The following SLC5A8 variants were observed in gnomAD, a reference collection of about 807,000 sequenced individuals.
SLC5A8 encodes the protein sodium-coupled monocarboxylate transporter 1.
Under a neutral mutation model 71.9 loss-of-function variants are expected in SLC5A8, and 55 were observed. The ratio of observed to expected loss-of-function variants is 0.77; its 90% CI spans 0.62 to 0.96. The LOEUF is 0.96. Ranked by LOEUF, SLC5A8 falls within the 40% of genes least tolerant of loss-of-function variation. The probability of loss-of-function intolerance (pLI) is 0.00; values close to 1 mark genes in which losing one functional copy is unlikely to be tolerated. For missense variants in SLC5A8, 701 were observed against 745.3 expected, an observed-to-expected ratio of 0.94 and a Z score of 0.69; for synonymous variants, 307 against 276.1, an observed-to-expected ratio of 1.11 and a Z score of -1.11.
In SLC5A8 at chr12:101,173,748, T is replaced by C. The variant is rs374308046; in HGVS notation, c.1234-5566A>G. Among the ~76,000 whole-genome samples the C allele has an allele frequency of 2.5e-4, 38 of 152,350 alleles. 1 individual carries two copies. In the South Asian group the frequency reaches 5.8e-3, roughly 23 times the overall value. Reference sequence around the variant, plus strand: ...ATTGGGAAATATGCTTCTAAGTCCCTAGCTGGTGGGCAACAGCACATAACC... The same window carrying C: ...ATTGGGAAATATGCTTCTAAGTCCCCAGCTGGTGGGCAACAGCACATAACC... On this transcript the variant is annotated intron_variant, in intron 10 of 14. Coordinates refer to ENST00000536262, the MANE Select transcript of SLC5A8 (RefSeq NM_145913.5).
chr12:101,156,980 C>T lies in SLC5A8; in HGVS notation c.*299G>A, dbSNP rs1593356964. On this transcript the variant is annotated 3_prime_UTR_variant, in exon 15 of 15. Transcript: ENST00000536262. The stretch of plus-strand genomic sequence containing the variant: ...AGAATATACCTTTGACAATCAAATA[C>T]ATGTGCATATGTGTGTATTAGCCTT... 7.6e-6 allele frequency: 2 copies of T among 264,528 alleles called. No individual in the cohort carries two copies. The highest frequency in any genetic ancestry group is 1.4e-5 in the Non-Finnish European group (2 of 141,506). 16.4% of individuals were successfully genotyped at this position (264,528 alleles called of 1,614,324 possible).
chr12:101,202,149 A>G lies in SLC5A8; in HGVS notation c.469+15T>C, dbSNP rs751792792. On this transcript the variant is annotated intron_variant, in intron 3 of 14. Transcript: ENST00000536262. ...CCAAAATGTGAGTTACCTAACTGGC[A>G]ACTCTAAAATGTACCTTGATTCAAA... The G allele has an allele frequency of 1.2e-6, 2 of 1,611,896 alleles. No individual in the cohort carries two copies. Among genetic ancestry groups the G allele is most frequent in the East Asian group, 2.2e-5 (1 of 44,662 alleles).
rs749421542 is a variant in SLC5A8 at position 101,168,176 on chromosome 12, G to A, written c.1240C>T (p.Leu414Phe). Residue 414 changes from leucine (L) to phenylalanine (F), a missense_variant, in exon 11 of 15, where the codon CTC becomes TTC. Leu to Phe is a conservative substitution (Grantham distance 22, BLOSUM62 0). Coordinates refer to ENST00000536262, the MANE Select transcript of SLC5A8 (RefSeq NM_145913.5). ...SLMGALLQAA[L>F]SVFGMVGGPL... ...CCACCAACCATACCAAATACGCTGA[G>A]TGCTGCCTACAAAAATAATACAACG... 5.0e-6 allele frequency: 8 copies of A among 1,599,438 alleles called. No homozygotes were observed. The highest frequency in any genetic ancestry group is 6.8e-6 in the Non-Finnish European group (8 of 1,174,092).
intron 8 of SLC5A8, among the ~76,000 whole-genome samples, 162 bp from the exon 9 acceptor site, chr12:101,183,077 G>A (rs1215271139): frequency 1.8e-5 from 2 of 110,650 alleles, no homozygotes; most frequent in Admixed American, 1.4e-4. Flanking sequence ...ACGGAGTCTC[G>A]CTCTGTCGCC....
chr12:101,160,694 C>T (rs1364560521), intron 13 of SLC5A8, among the ~76,000 whole-genome samples: 1 of 152,140 alleles, frequency 6.6e-6, no homozygotes, highest in African/African-American at 2.4e-5. Flanking sequence ...TGCCCTCGTT[C>T]CCCTACAGAC....
rs2051658476 is a variant in SLC5A8, at chr12:101,156,126, A to AT, written c.*1152dup. 1 of 152,072 alleles carries AT rather than the reference A, an allele frequency of 6.6e-6. No individual in the cohort carries two copies. Among genetic ancestry groups the AT allele is most frequent in the Admixed American group, 6.6e-5 (1 of 15,240 alleles). 9.4% of individuals were successfully genotyped at this position (152,072 alleles called of 1,614,324 possible). On this transcript the variant is annotated 3_prime_UTR_variant, in exon 15 of 15. Coordinates refer to ENST00000536262, the MANE Select transcript of SLC5A8 (RefSeq NM_145913.5). ...AAAATTTTAAAACATGGAACAAAGCATTTTTTGAGTCCAGACGTTTTAAAA... is the reference window on the plus strand; with the variant it reads ...AAAATTTTAAAACATGGAACAAAGCATTTTTTTGAGTCCAGACGTTTTAAAA...
rs1159559306 is a variant in SLC5A8, at chr12:101,168,118, A to T, written c.1298T>A (p.Leu433Ter). Residue 433 changes from leucine to a stop codon, truncating the protein, a stop_gained, in exon 11 of 15, where the codon TTG (leucine) becomes TAG (stop). Transcript: ENST00000536262. LOFTEE classifies it high-confidence loss of function. ...PLMGLFALGI[L>*]VPFANSIGAL... Reference sequence around the variant, plus strand: ...TACAATTGAGTTGGCAAAGGGAACCAAAATGCCCAAAGCGAACAGGCCCAT... The same window carrying T: ...TACAATTGAGTTGGCAAAGGGAACCTAAATGCCCAAAGCGAACAGGCCCAT... 1 of 1,609,444 alleles carries T rather than the reference A, an allele frequency of 6.2e-7. No individual in the cohort carries two copies. The highest frequency in any genetic ancestry group is 8.5e-7 in the Non-Finnish European group (1 of 1,177,700).
intron 6 of SLC5A8, among the ~76,000 whole-genome samples, 156 bp from the exon 7 acceptor site, chr12:101,187,671 C>T (rs1391407521): frequency 6.6e-6 from 1 of 152,182 alleles, no homozygotes; most frequent in Non-Finnish European, 1.5e-5. Flanking sequence ...TTATTCTAGC[C>T]TAATATTCTG....
chr12:101,193,778 C>A lies in SLC5A8; in HGVS notation c.539G>T (p.Gly180Val), dbSNP rs766073933. The A allele has an allele frequency of 9.3e-6, 15 of 1,613,574 alleles. No homozygotes were observed. Among genetic ancestry groups the A allele is most frequent in the Non-Finnish European group, 8.5e-7 (1 of 1,179,900 alleles). Reference sequence around the variant, plus strand: ...TGTCCAGATAACTGCTTTAAGACCACCCTTTGAGGGGAAAGTATATTAGGA... The same window carrying A: ...TGTCCAGATAACTGCTTTAAGACCAACCTTTGAGGGGAAAGTATATTAGGA... ...GVVCTFYCTL[G>V]GLKAVIWTDV... Residue 180 changes from glycine (G) to valine (V), a missense_variant and splice_region_variant, in exon 5 of 15, where the codon GGT becomes GTT. Coordinates refer to ENST00000536262, the MANE Select transcript of SLC5A8 (RefSeq NM_145913.5).
At chr12:101,201,479 C>T (rs575151480) in intron 3 of SLC5A8, among the ~76,000 whole-genome samples, 24 of 152,136 alleles carry the variant, frequency 1.6e-4, no homozygotes, top group Non-Finnish European at 2.8e-4. Flanking sequence ...AAATTCACTT[C>T]GAATAGATAA....
At chr12:101,186,386 G>T (rs566889224) in intron 7 of SLC5A8, among the ~76,000 whole-genome samples, 1 of 152,130 alleles carries the variant, frequency 6.6e-6, no homozygotes, top group Admixed American at 6.5e-5. Flanking sequence ...TTTTCTGGGA[G>T]CATGAGATGC....
At chr12:101,188,880 T>G (rs1375834591) in intron 6 of SLC5A8, among the ~76,000 whole-genome samples, 1 of 152,232 alleles carries the variant, frequency 6.6e-6, no homozygotes, top group African/African-American at 2.4e-5. Flanking sequence ...AATATATTGT[T>G]TTATTTCACT....
intron 1 of SLC5A8, among the ~76,000 whole-genome samples, chr12:101,205,555 G>A (rs1214976633): frequency 6.6e-6 from 1 of 152,136 alleles, no homozygotes; most frequent in East Asian, 1.9e-4. Flanking sequence ...TCATAGAGTA[G>A]AAAAGAAGAG....
chr12:101,197,334 T>C (rs1313093069), intron 3 of SLC5A8, among the ~76,000 whole-genome samples: 9 of 152,298 alleles, frequency 5.9e-5, no homozygotes, highest in Admixed American at 5.2e-4. Flanking sequence ...ATAATGAATC[T>C]AGAATGATCA....
At chr12:101,183,035 C>CCTTTT (rs1868438879) in intron 8 of SLC5A8, 120 bp from the exon 9 acceptor site, 1 of 73,516 alleles carries the variant, frequency 1.4e-5, no homozygotes. Flanking sequence ...TTCTACTATG[C>CCTTTT]TTTTTTTTTT....
At chr12:101,188,725 G>T (rs1868769988) in intron 6 of SLC5A8, among the ~76,000 whole-genome samples, 1 of 152,160 alleles carries the variant, frequency 6.6e-6, no homozygotes, top group African/African-American at 2.4e-5. Context: ...AGAATCAAAG[G>T]TGGGTTTATC....
intron 4 of SLC5A8, 53 bp from the exon 5 acceptor site, chr12:101,193,832 A>T: frequency 6.3e-7 from 1 of 1,577,710 alleles, no homozygotes; most frequent in Non-Finnish European, 8.7e-7. Context: ...ATTATTAAGC[A>T]TCTACACACT....
At chr12:101,197,620 T>C (rs945360323) in intron 3 of SLC5A8, among the ~76,000 whole-genome samples, 1 of 152,114 alleles carries the variant, frequency 6.6e-6, no homozygotes, top group African/African-American at 2.4e-5. Flanking sequence ...TATGTTGCAA[T>C]TTAAATGAAA....
chr12:101,161,939 G>A, intron 13 of SLC5A8, 35 bp downstream of exon 13: 1 of 1,426,354 alleles, frequency 7.0e-7, no homozygotes, highest in Non-Finnish European at 9.9e-7. Flanking sequence ...CTGATATAGA[G>A]GTAAATACAA....
Sources: gnomAD v4.1 joint callset for allele counts (sites outside exome capture counted in the v4.1 genomes callset) on GRCh38, gnomAD v4.1.1 for gene constraint, MANE v1.5 for transcripts, NCBI Gene and HGNC (gene_info 2026-07-23, HGNC 2026-07-21) for gene names.